Variants in HOOK3 observed in about 807,000 individuals in gnomAD.
HOOK3 encodes the protein protein Hook homolog 3.
In HOOK3, 24 loss-of-function variants were observed where a neutral mutation model predicts 116.3. The ratio of observed to expected loss-of-function variants is 0.21; its 90% CI spans 0.15 to 0.29. The LOEUF (loss-of-function observed/expected upper bound fraction) is 0.29. Ranked by LOEUF, HOOK3 falls within the 10% of genes least tolerant of loss-of-function variation. The pLI is 1.00. For synonymous variants in HOOK3, 275 were observed against 283.0 expected (o/e 0.97, Z 0.28); for missense variants, 632 against 830.2 (o/e 0.76, Z 2.93).
chr8:42,915,176 G>GGAGGGGAC (rs1807506941), intron 2 of HOOK3, among the ~76,000 whole-genome samples: 1 of 152,108 alleles, frequency 6.6e-6, no homozygotes, highest in African/African-American at 2.4e-5. Flanking sequence ...TCCAGGGACT[G>GGAGGGGAC]TCCGATGGTC....
At chr8:42,991,752 T>G (rs1809165120) in intron 15 of HOOK3, among the ~76,000 whole-genome samples, 1 of 148,744 alleles carries the variant, frequency 6.7e-6, no homozygotes, top group East Asian at 2.0e-4. Context: ...TTTGTTTTTG[T>G]TTTTTTTTTC....
chr8:43,005,591 A>C (rs1230787961), intron 17 of HOOK3, among the ~76,000 whole-genome samples: 1 of 152,064 alleles, frequency 6.6e-6, no homozygotes, highest in African/African-American at 2.4e-5. Context: ...GAATGATTCA[A>C]ATTCTGACTT....
At chr8:42,915,327 G>A (rs192108449) in intron 2 of HOOK3, among the ~76,000 whole-genome samples, 1,799 of 146,808 alleles carry the variant, frequency 0.012, 15 homozygotes, top group Middle Eastern at 0.024. Flanking sequence ...ATTGTGTTAC[G>A]GCACTCCAGG....
intron 18 of HOOK3, 123 bp downstream of exon 18, chr8:43,008,052 A>C (rs1432385812): frequency 1.3e-5 from 5 of 383,284 alleles, no homozygotes; most frequent in Admixed American, 4.6e-5. Flanking sequence ...ATGAAGTCTC[A>C]CTCTCACCCA....
intron 6 of HOOK3, among the ~76,000 whole-genome samples, chr8:42,955,179 G>C (rs954472412): frequency 6.6e-6 from 1 of 152,164 alleles, no homozygotes; most frequent in Non-Finnish European, 1.5e-5. Context: ...TATTGCACAG[G>C]TCTACTTTTG....
intron 4 of HOOK3, among the ~76,000 whole-genome samples, chr8:42,937,086 G>A (rs1441805180): frequency 6.6e-6 from 1 of 152,106 alleles, no homozygotes; most frequent in East Asian, 1.9e-4. Flanking sequence ...TGTATTCAGG[G>A]ATTTGACTTC....
At chr8:42,993,428 T>C (rs995105723) in intron 15 of HOOK3, among the ~76,000 whole-genome samples, 7 of 152,238 alleles carry the variant, frequency 4.6e-5, no homozygotes, top group African/African-American at 1.4e-4. Context: ...ATTACAGGCG[T>C]GAGCCACTAT....
At chr8:42,916,140 G>T (rs1353321947) in intron 2 of HOOK3, among the ~76,000 whole-genome samples, 1 of 152,116 alleles carries the variant, frequency 6.6e-6, no homozygotes, top group East Asian at 1.9e-4. Flanking sequence ...CAGCACCCCT[G>T]ACATTGGTCA....
intron 13 of HOOK3, among the ~76,000 whole-genome samples, chr8:42,976,149 C>G (rs954622449): frequency 2.0e-5 from 3 of 151,838 alleles, no homozygotes; most frequent in African/African-American, 7.3e-5. Context: ...TTGCTTTGGG[C>G]AGACAATTTA....
At position 43,025,451 on chromosome 8, in the gene HOOK3, C is replaced by T. The variant is rs1809916741; in HGVS notation, c.*6953C>T. 9.4e-6 allele frequency: 2 copies of T among 213,362 alleles called. No homozygotes were observed. Among genetic ancestry groups the T allele is most frequent in the South Asian group, 1.9e-4 (1 of 5,364 alleles). The allele number at this position is 213,362 out of a possible 1,614,324, so 13.2% of individuals were successfully genotyped here. On this transcript the variant is annotated 3_prime_UTR_variant, in exon 22 of 22. Coordinates refer to ENST00000307602, the MANE Select transcript of HOOK3 (RefSeq NM_032410.4). ...GAAGTCCTAATACAATGAAAACTTG[C>T]ATTATCTAAACAGATGTTCCCAAAG... is the stretch of plus-strand genomic sequence containing the variant.
At position 43,010,502 on chromosome 8, in the gene HOOK3, G is replaced by A. The variant is rs558476877; in HGVS notation, c.1839+97G>A. The A allele has an allele frequency of 4.9e-5, 16 of 323,786 alleles. No individual in the cohort carries two copies. In the South Asian group the frequency reaches 7.2e-4, roughly 15 times the overall value. The allele number at this position is 323,786 out of a possible 1,614,324, so 20.1% of individuals were successfully genotyped here. The stretch of plus-strand genomic sequence containing the variant: ...ACGGACACTACAGCAACTTCTTAAT[G>A]CAGAAAACTCTCAGGAGAAGAACAA... On this transcript the variant is annotated intron_variant, in intron 19 of 21. Transcript: ENST00000307602.
chr8:42,917,217 C>T (rs118067882), intron 2 of HOOK3, among the ~76,000 whole-genome samples: 4,506 of 152,292 alleles, frequency 0.03, 96 homozygotes, highest in African/African-American at 0.055. Flanking sequence ...AGGGGCAGTG[C>T]AGAGCTTCCC....
chr8:42,939,863 G>A (rs1415214491), intron 4 of HOOK3, among the ~76,000 whole-genome samples: 2 of 150,786 alleles, frequency 1.3e-5, no homozygotes, highest in Admixed American at 6.6e-5. Context: ...GGGCAGAGGC[G>A]CTCCCCACAT....
chr8:42,900,585 T>G (rs993583066), intron 1 of HOOK3, among the ~76,000 whole-genome samples: 5 of 152,186 alleles, frequency 3.3e-5, no homozygotes, highest in African/African-American at 1.2e-4. Context: ...TCTGCCTAAC[T>G]CGATTCTGCC....
At chr8:42,975,061 C>A (rs1369214801) in intron 13 of HOOK3, among the ~76,000 whole-genome samples, 1 of 152,074 alleles carries the variant, frequency 6.6e-6, no homozygotes, top group Non-Finnish European at 1.5e-5. Context: ...CTGGGGTGGA[C>A]AAGCAGCGGG....
At chr8:42,945,092 C>T (rs1808201597) in intron 5 of HOOK3, among the ~76,000 whole-genome samples, 1 of 152,050 alleles carries the variant, frequency 6.6e-6, no homozygotes, top group Admixed American at 6.5e-5. Flanking sequence ...ATCTCAAGGA[C>T]TTGGAGTAGA....
At chr8:42,980,766 C>T (rs1489791345) in intron 13 of HOOK3, among the ~76,000 whole-genome samples, 1 of 152,070 alleles carries the variant, frequency 6.6e-6, no homozygotes, top group Non-Finnish European at 1.5e-5. Context: ...TGCCTGTAAT[C>T]CCAGCTACTG....
At chr8:42,958,668 ACATGTGC>A (rs1808482807) in intron 7 of HOOK3, among the ~76,000 whole-genome samples, 1 of 147,668 alleles carries the variant, frequency 6.8e-6, no homozygotes, top group African/African-American at 2.5e-5. Context: ...ACATAGGTAC[ACATGTGC>A]CATGGTGGTT....
At chr8:42,929,698 A>AT (rs1453560407) in intron 3 of HOOK3, among the ~76,000 whole-genome samples, 2 of 152,108 alleles carry the variant, frequency 1.3e-5, no homozygotes, top group Non-Finnish European at 2.9e-5. Flanking sequence ...TTTTACTATA[A>AT]TTTTTGCCTA....
Sources: gnomAD v4.1 joint callset for allele counts (sites outside exome capture counted in the v4.1 genomes callset) on GRCh38, gnomAD v4.1.1 for gene constraint, MANE v1.5 for transcripts, NCBI Gene and HGNC (gene_info 2026-07-23, HGNC 2026-07-21) for gene names.